The following FAM167A variants were observed in gnomAD, a reference collection of about 807,000 sequenced individuals.
FAM167A encodes family with sequence similarity 167 member A, also known as protein FAM167A.
Under a neutral mutation model 14.9 loss-of-function variants are expected in FAM167A, and 23 were observed. The ratio of observed to expected loss-of-function variants is 1.55; its 90% CI spans 1.11 to 2.19. FAM167A has a LOEUF of 2.19. Among genes scored for constraint, FAM167A ranks in the 30% most tolerant of loss-of-function variants. The pLI is 0.00. For missense variants in FAM167A, 401 were observed against 281.5 expected, an observed-to-expected ratio of 1.42 and a Z score of -3.04; for synonymous variants, 174 against 117.7, an observed-to-expected ratio of 1.48 and a Z score of -3.10.
At chr8:11,455,898 TGA>T (rs1807249833) in intron 1 of FAM167A, among the ~76,000 whole-genome samples, 1 of 139,390 alleles carries the variant, frequency 7.2e-6, no homozygotes. Context: ...TTGCAGAGTG[TGA>T]GTGTGAGTGT....
chr8:11,426,026 A>G (rs12156251), intron 2 of FAM167A, among the ~76,000 whole-genome samples: 22,827 of 152,026 alleles, frequency 0.15, 1,868 homozygotes, highest in Middle Eastern at 0.32. Context: ...TTTACCATCT[A>G]TTTTCTCTAA....
intron 1 of FAM167A, among the ~76,000 whole-genome samples, chr8:11,459,070 T>C (rs545730352): frequency 6.6e-6 from 1 of 152,372 alleles, no homozygotes; most frequent in Admixed American, 6.5e-5. Flanking sequence ...TGACTACTTT[T>C]CTCTCTATCA....
chr8:11,438,371 G>C, intron 2 of FAM167A: 1 of 447,974 alleles, frequency 2.2e-6, no homozygotes, highest in Admixed American at 2.4e-5. Context: ...AATGTTGGGA[G>C]ATTGAAGGCC....
rs1806675186 is a variant in FAM167A, at chr8:11,444,684, G to T, written c.-273C>A. 1 of 1,231,428 alleles carries T rather than the reference G, an allele frequency of 8.1e-7. No homozygotes were observed. The highest frequency in any genetic ancestry group is 3.1e-5 in the South Asian group (1 of 32,534). The allele number at this position is 1,231,428 out of a possible 1,614,324, so 76.3% of individuals were successfully genotyped here. On this transcript the variant is annotated 5_prime_UTR_variant, in exon 2 of 3. The change creates a new upstream start codon in the 5' untranslated region. Transcript: ENST00000284486. ...GCTCCACAGAAGGCAGGAACAGACA[G>T]CGTCGCAGGAATCTCGGGGCAGCCT...
intron 2 of FAM167A, chr8:11,434,822 C>A: frequency 2.9e-6 from 1 of 348,836 alleles, no homozygotes; most frequent in South Asian, 2.2e-5. Flanking sequence ...TTCCTCCCCT[C>A]CCATCAGATT....
chr8:11,459,513 G>A (rs554379318), intron 1 of FAM167A, among the ~76,000 whole-genome samples: 25 of 152,310 alleles, frequency 1.6e-4, no homozygotes, highest in African/African-American at 5.5e-4. Context: ...CGAGCGCCTC[G>A]GTCTGCAGTG....
At chr8:11,455,160 G>A (rs1807184867) in intron 1 of FAM167A, among the ~76,000 whole-genome samples, 1 of 137,752 alleles carries the variant, frequency 7.3e-6, no homozygotes, top group Non-Finnish European at 1.6e-5. Context: ...GTGTGACTGT[G>A]GTGGGGTTGT....
At chr8:11,464,098 A>G (rs982828082) in intron 1 of FAM167A, among the ~76,000 whole-genome samples, 8 of 152,126 alleles carry the variant, frequency 5.3e-5, no homozygotes, top group Non-Finnish European at 1.2e-4. Context: ...ATGAGATTTG[A>G]TGCTGCCTGG....
intron 1 of FAM167A, chr8:11,446,729 G>A (rs756981662): frequency 6.6e-6 from 1 of 152,226 alleles, no homozygotes; most frequent in African/African-American, 2.4e-5. Context: ...CCGCAAATGC[G>A]AAATGTACTC....
rs754634898 is a variant in FAM167A, at chr8:11,444,423, C to T, written c.-12G>A. The T allele has an allele frequency of 5.3e-6, 8 of 1,522,524 alleles. No homozygotes were observed. The Middle Eastern group carries it at 7.1e-4, about 135-fold the overall frequency. The allele number at this position is 1,522,524 out of a possible 1,614,324, so 94.3% of individuals were successfully genotyped here. On this transcript the variant is annotated 5_prime_UTR_variant, in exon 2 of 3. Coordinates refer to ENST00000284486, the MANE Select transcript of FAM167A (RefSeq NM_053279.3). ...TGGGGCACAGACATTCTACAGTCTG[C>T]CCTGGCAGCCGGACATGCGAGGGCA...
chr8:11,467,658 CT>C (rs1807826912), upstream of FAM167A: 1 of 152,450 alleles, frequency 6.6e-6, no homozygotes, highest in Admixed American at 6.5e-5. Context: ...AGTGGTGGGG[CT>C]GCAAAGTGAC....
upstream of FAM167A, among the ~76,000 whole-genome samples, chr8:11,468,134 C>G (rs910753072): frequency 6.6e-6 from 1 of 152,238 alleles, no homozygotes; most frequent in African/African-American, 2.4e-5. Context: ...CAGCGCCTCC[C>G]AAGCCAGTTA....
intron 2 of FAM167A, among the ~76,000 whole-genome samples, chr8:11,437,757 TG>T (rs1193131220): frequency 2.6e-5 from 4 of 152,154 alleles, no homozygotes; most frequent in Middle Eastern, 3.2e-3. Flanking sequence ...GCTGTTATAA[TG>T]GGGAGGGTGC....
chr8:11,469,792 A>C (rs1219657043), upstream of FAM167A, among the ~76,000 whole-genome samples: 1 of 152,060 alleles, frequency 6.6e-6, no homozygotes, highest in Non-Finnish European at 1.5e-5. Flanking sequence ...CTGAGGTGGG[A>C]CTGCTGGAAC....
chr8:11,464,820 T>C (rs998703630), intron 1 of FAM167A, among the ~76,000 whole-genome samples: 5 of 152,176 alleles, frequency 3.3e-5, no homozygotes, highest in East Asian at 1.9e-4. Context: ...GCCTAGCAAG[T>C]AGTTTCTTCC....
At chr8:11,435,386 C>T (rs1038705254) in intron 2 of FAM167A, among the ~76,000 whole-genome samples, 2 of 152,356 alleles carry the variant, frequency 1.3e-5, no homozygotes, top group South Asian at 4.1e-4. Context: ...TGACAAAACA[C>T]CAGAGGAGAG....
intron 1 of FAM167A, among the ~76,000 whole-genome samples, chr8:11,449,516 A>G (rs1400179852): frequency 6.6e-6 from 1 of 152,102 alleles, no homozygotes; most frequent in Non-Finnish European, 1.5e-5. Flanking sequence ...CTTTCTTTAC[A>G]TGTAACCTGG....
intron 1 of FAM167A, among the ~76,000 whole-genome samples, chr8:11,457,007 GTGGGCGGGGCTGGGTTAGGGGTA>G (rs1196907035): frequency 1.8e-5 from 2 of 108,976 alleles, no homozygotes; most frequent in South Asian, 3.4e-4. Flanking sequence ...GGTTAGGGAA[GTGGGCGGGGCTGGGTTAGGGGTA>G]TGGGCGGGGC....
At chr8:11,465,582 C>A (rs1294804845) in intron 1 of FAM167A, among the ~76,000 whole-genome samples, 1 of 152,236 alleles carries the variant, frequency 6.6e-6, no homozygotes, top group African/African-American at 2.4e-5. Flanking sequence ...CTTAAAAACA[C>A]GCTGCAGAAG....
Sources: allele counts gnomAD v4.1 joint callset (sites outside exome capture counted in the v4.1 genomes callset), GRCh38; gene constraint gnomAD v4.1.1; transcripts MANE v1.5; gene names NCBI Gene and HGNC (gene_info 2026-07-23, HGNC 2026-07-21).